SLCO2B1: variants seen among roughly 807,000 people sequenced by gnomAD.
SLCO2B1 encodes OATP-RP2.
In SLCO2B1, 41 loss-of-function variants were observed where a neutral mutation model predicts 67.3. The ratio of observed to expected loss-of-function variants is 0.61; its 90% CI spans 0.47 to 0.79. SLCO2B1 has a LOEUF of 0.79. Ranked by LOEUF, SLCO2B1 falls within the 30% of genes least tolerant of loss-of-function variation. The pLI, the probability that SLCO2B1 is intolerant of heterozygous loss-of-function variation, is 0.00. For synonymous variants in SLCO2B1, 379 were observed against 381.4 expected (o/e 0.99, Z 0.07); for missense variants, 837 against 920.1 (o/e 0.91, Z 1.17).
intron 5 of SLCO2B1, 115 bp downstream of exon 5, chr11:75,169,521 C>G: frequency 1.7e-6 from 2 of 1,207,220 alleles, no homozygotes; most frequent in South Asian, 1.5e-5. Flanking sequence ...CCCATCTGGC[C>G]AGTAAAGGTC....
intron 3 of SLCO2B1, 79 bp from the exon 4 acceptor site, chr11:75,165,708 A>T: frequency 7.0e-7 from 1 of 1,427,054 alleles, no homozygotes; most frequent in Non-Finnish European, 9.7e-7. Flanking sequence ...TACGGAAGTT[A>T]GACATAGAGA....
chr11:75,151,511 T>C (rs1156923835), intron 1 of SLCO2B1, 114 bp downstream of exon 1: 4 of 1,096,876 alleles, frequency 3.6e-6, no homozygotes, highest in Non-Finnish European at 4.1e-6. Context: ...CTCACAGCTG[T>C]TGGCACAGAG....
chr11:75,204,584 G>A lies in SLCO2B1; in HGVS notation c.*4G>A. 1 of 1,600,682 alleles carries A rather than the reference G, an allele frequency of 6.2e-7. No individual in the cohort carries two copies. Among genetic ancestry groups the A allele is most frequent in the East Asian group, 2.2e-5 (1 of 44,646 alleles). ...GCCAGAGGATTCCCGAGTGTGAGCT[G>A]TCTTGGGGCCCCACCTGGCCAAGAG... is the stretch of plus-strand genomic sequence containing the variant. On this transcript the variant is annotated 3_prime_UTR_variant, in exon 14 of 14. Transcript: ENST00000289575.
intron 1 of SLCO2B1, among the ~76,000 whole-genome samples, chr11:75,156,743 A>G (rs1199569460): frequency 3.3e-5 from 5 of 152,222 alleles, no homozygotes. Context: ...AGGGCTGCTT[A>G]TTGCCCATTT....
At position 75,169,651 on chromosome 11, in the gene SLCO2B1, G is replaced by T; in HGVS notation, c.683-15G>T. ...GCCAGGGCCAGAGGATCCTAACTCA[G>T]GCTTTGTGTTGTAGGGATCCTGTTT... On this transcript the variant is annotated splice_polypyrimidine_tract_variant and intron_variant, in intron 5 of 13. Coordinates refer to ENST00000289575, the MANE Select transcript of SLCO2B1 (RefSeq NM_007256.5). The T allele has an allele frequency of 1.2e-6, 2 of 1,601,390 alleles. No individual in the cohort carries two copies. The highest frequency in any genetic ancestry group is 2.2e-5 in the East Asian group (1 of 44,700).
intron 9 of SLCO2B1, among the ~76,000 whole-genome samples, chr11:75,195,993 T>C (rs1945092015): frequency 6.6e-6 from 1 of 152,112 alleles, no homozygotes; most frequent in African/African-American, 2.4e-5. Flanking sequence ...GGGACTAAAA[T>C]GTGCCCTGGA....
In SLCO2B1 at chr11:75,193,615, G is replaced by C; in HGVS notation, c.1433+40G>C. ...GGGCACGTAAAGGCAAGCCTGGGAG[G>C]ACAGGACAGGGAGGACAGGGGCCCT... On this transcript the variant is annotated intron_variant, in intron 9 of 13. Coordinates refer to ENST00000289575, the MANE Select transcript of SLCO2B1 (RefSeq NM_007256.5). The surrounding 1 kb of genome is among the most constrained non-coding windows in gnomAD (Gnocchi z 4.2). 6.7e-7 allele frequency: 1 copy of C among 1,499,462 alleles called. No individual in the cohort carries two copies. The highest frequency in any genetic ancestry group is 2.3e-5 in the East Asian group (1 of 43,942). The allele number at this position is 1,499,462 out of a possible 1,614,324, so 92.9% of individuals were successfully genotyped here.
At chr11:75,203,144 AGCCC>A (rs1448122786) in intron 12 of SLCO2B1, 159 bp from the exon 13 acceptor site, 2 of 1,186,396 alleles carry the variant, frequency 1.7e-6, no homozygotes, top group East Asian at 4.9e-5. Context: ...GAGTCTAGAC[AGCCC>A]GTCAGGAAGC....
Position 75,189,819 on chromosome 11 carries a change from G to T in SLCO2B1, c.1075+1581G>T, listed in dbSNP as rs193040370. Among the ~76,000 whole-genome samples the T allele has an allele frequency of 6.2e-4, 95 of 152,132 alleles. No homozygotes were observed. In the East Asian group the frequency reaches 0.017, roughly 28 times the overall value. Reference sequence around the variant, plus strand: ...ATAAAAAATAAAGAAAGAATTAGCCGGGCTTGGTGGTGCATGCCTGTGGTC... The same window carrying T: ...ATAAAAAATAAAGAAAGAATTAGCCTGGCTTGGTGGTGCATGCCTGTGGTC... On this transcript the variant is annotated intron_variant, in intron 8 of 13. Transcript: ENST00000289575.
chr11:75,151,898 G>A (rs575221963), intron 1 of SLCO2B1: 2 of 162,250 alleles, frequency 1.2e-5, no homozygotes, highest in African/African-American at 2.4e-5. Flanking sequence ...AGCAGAGACT[G>A]GGAGAGACAA....
At chr11:75,204,100 A>C (rs1401614552) in intron 13 of SLCO2B1, 1 of 248,780 alleles carries the variant, frequency 4.0e-6, no homozygotes, top group East Asian at 7.9e-5. Flanking sequence ...TTCTTGTGGC[A>C]GGTGGCGCAA....
chr11:75,184,223 A>G (rs891496252), intron 7 of SLCO2B1, among the ~76,000 whole-genome samples: 1 of 152,182 alleles, frequency 6.6e-6, no homozygotes, highest in Admixed American at 6.5e-5. Flanking sequence ...GATATTTACT[A>G]GATAACCACT....
Position 75,193,336 on chromosome 11 carries a change from G to A in SLCO2B1, c.1194G>A (p.Leu398=), listed in dbSNP as rs200697112. The change falls in exon 9 of 14, where the codon CTG becomes CTA. Residue 398 remains leucine, a synonymous_variant. Coordinates refer to ENST00000289575, the MANE Select transcript of SLCO2B1 (RefSeq NM_007256.5). The surrounding 1 kb of genome is among the most constrained non-coding windows in gnomAD (Gnocchi z 4.2). ...AGMATFLPKF[L]ERQFSITASY... ...TGGCCACCTTCCTGCCCAAGTTCCT[G>A]GAGCGCCAGTTTTCCATCACAGCCT... 17 of 1,614,010 alleles carry A rather than the reference G, an allele frequency of 1.1e-5. No homozygotes were observed. The highest frequency in any genetic ancestry group is 1.4e-5 in the Non-Finnish European group (17 of 1,180,034).
intron 7 of SLCO2B1, among the ~76,000 whole-genome samples, chr11:75,176,362 T>C (rs554545604): frequency 6.6e-6 from 1 of 152,336 alleles, no homozygotes; most frequent in African/African-American, 2.4e-5. Context: ...TGAGGACCCC[T>C]GTCCCTCTCC....
At chr11:75,164,126 G>A (rs1949858288) in intron 3 of SLCO2B1, 26 bp downstream of exon 3, 1 of 1,601,626 alleles carries the variant, frequency 6.2e-7, no homozygotes, top group African/African-American at 1.3e-5. Flanking sequence ...AGCCACAGGG[G>A]TGGACACTGA....
chr11:75,167,800 G>C (rs1949910263), intron 4 of SLCO2B1, among the ~76,000 whole-genome samples: 1 of 152,082 alleles, frequency 6.6e-6, no homozygotes, highest in Admixed American at 6.6e-5. Flanking sequence ...ACTGCCCCAA[G>C]GACACACCCA....
chr11:75,179,375 G>A (rs1950067754), intron 7 of SLCO2B1, among the ~76,000 whole-genome samples: 1 of 151,536 alleles, frequency 6.6e-6, no homozygotes, highest in Non-Finnish European at 1.5e-5. Context: ...GGGATTACAG[G>A]TGCCCGCCAC....
chr11:75,159,132 G>C (rs533641247), intron 1 of SLCO2B1, among the ~76,000 whole-genome samples: 23 of 152,368 alleles, frequency 1.5e-4, no homozygotes, highest in Non-Finnish European at 2.8e-4. Context: ...GGCCTGAACG[G>C]ACAGCTCTCC....
rs1328993370 is a variant in SLCO2B1 at position 75,162,583 on chromosome 11, G to A, written c.17-72G>A. 4.0e-6 allele frequency: 6 copies of A among 1,508,294 alleles called. No individual in the cohort carries two copies. The African/African-American group carries it at 8.4e-5, about 21-fold the overall frequency. 93.4% of individuals were successfully genotyped at this position (1,508,294 alleles called of 1,614,324 possible). On this transcript the variant is annotated intron_variant, in intron 1 of 13. Coordinates refer to ENST00000289575, the MANE Select transcript of SLCO2B1 (RefSeq NM_007256.5). ...GAAAGACCTTGGTTCTGAGGTCTAG[G>A]GCTATCTAATCAGGTCAGGGCCATT...
Sources: allele counts gnomAD v4.1 joint callset (sites outside exome capture counted in the v4.1 genomes callset), GRCh38; gene constraint gnomAD v4.1.1; non-coding constraint Gnocchi (gnomAD v3.1); transcripts MANE v1.5; gene names NCBI Gene and HGNC (gene_info 2026-07-23, HGNC 2026-07-21).